SV2B: variants seen among roughly 807,000 people sequenced by gnomAD.
The protein encoded by SV2B is synaptic vesicle glycoprotein 2B, also known as solute carrier family 22 member B2.
In SV2B, 41 loss-of-function variants were observed where a neutral mutation model predicts 73.9. That is an observed-to-expected ratio of 0.56 (90% confidence interval 0.43 to 0.72). The LOEUF is 0.72. Ranked by LOEUF, SV2B falls within the 30% of genes least tolerant of loss-of-function variation. The pLI is 0.00. For synonymous variants in SV2B, 314 were observed against 314.2 expected, an observed-to-expected ratio of 1.00 and a Z score of 0.01; for missense variants, 764 against 857.8, an observed-to-expected ratio of 0.89 and a Z score of 1.37.
intron 1 of SV2B, among the ~76,000 whole-genome samples, chr15:91,114,183 CAAAAAAAAAAAAA>C (rs11372573): frequency 1.8e-5 from 1 of 55,962 alleles, no homozygotes; most frequent in East Asian, 1.2e-3. Context: ...GACTCCATCT[CAAAAAAAAAAAAA>C]AAAAAAAAAA....
intron 1 of SV2B, among the ~76,000 whole-genome samples, chr15:91,202,126 C>T (rs1228234887): frequency 6.6e-6 from 1 of 152,206 alleles, no homozygotes; most frequent in Non-Finnish European, 1.5e-5. Context: ...CACTTCCCCA[C>T]ATAAAATAGC....
chr15:91,243,734 G>A (rs2047114394), intron 2 of SV2B, among the ~76,000 whole-genome samples: 1 of 152,142 alleles, frequency 6.6e-6, no homozygotes. Context: ...CCTGTATATG[G>A]TTGGAGAGAG....
chr15:91,208,811 C>T (rs1212454591), intron 1 of SV2B, among the ~76,000 whole-genome samples: 1 of 152,172 alleles, frequency 6.6e-6, no homozygotes, highest in Non-Finnish European at 1.5e-5. Context: ...ACACTCATCT[C>T]CTTCTTCTGC....
chr15:91,208,563 G>C (rs947991825), intron 1 of SV2B, among the ~76,000 whole-genome samples: 8 of 152,310 alleles, frequency 5.3e-5, no homozygotes, highest in African/African-American at 1.7e-4. Context: ...CCTGATGCAG[G>C]AATTGTCCTT....
intron 1 of SV2B, among the ~76,000 whole-genome samples, chr15:91,125,156 T>C (rs1225426691): frequency 1.3e-5 from 2 of 152,178 alleles, no homozygotes; most frequent in African/African-American, 2.4e-5. Context: ...ACTAGTCAGA[T>C]TGGATTAGGA....
intron 10 of SV2B, among the ~76,000 whole-genome samples, chr15:91,282,136 A>C (rs2048702507): frequency 6.6e-6 from 1 of 152,240 alleles, no homozygotes; most frequent in Non-Finnish European, 1.5e-5. Flanking sequence ...AGTGAGGCTG[A>C]TGCTATACAC....
rs573129545 is a variant in SV2B, at chr15:91,210,325, G to A, written c.-391-15548G>A. The stretch of plus-strand genomic sequence containing the variant: ...GAGCCGTAACTGGGCAGCAGGGACC[G>A]GGGTCCCGAACCAAGCAGGAGGTGG... On this transcript the variant is annotated intron_variant, in intron 1 of 12. Transcript: ENST00000394232. 7.5e-4 allele frequency among the ~76,000 whole-genome samples: 114 copies of A among 151,946 alleles called. 1 individual carries two copies. Among genetic ancestry groups the A allele is most frequent in the South Asian group, 2.3e-3 (11 of 4,798 alleles).
At chr15:91,262,509 T>C (rs1181225705) in intron 6 of SV2B, among the ~76,000 whole-genome samples, 2 of 152,178 alleles carry the variant, frequency 1.3e-5, no homozygotes, top group African/African-American at 4.8e-5. Context: ...CAGGTTGTTA[T>C]AGAGGTGAAC....
intron 1 of SV2B, among the ~76,000 whole-genome samples, chr15:91,126,471 A>G (rs981283): frequency 0.012 from 1,817 of 152,312 alleles, 35 homozygotes; most frequent in African/African-American, 0.042. Flanking sequence ...TGCAGGGTTG[A>G]TGAGCCAGGT....
chr15:91,294,367 C>A lies in SV2B; in HGVS notation c.*1815C>A, dbSNP rs928675671. 1.3e-5 allele frequency: 2 copies of A among 152,118 alleles called. No individual in the cohort carries two copies. The highest frequency in any genetic ancestry group is 4.8e-5 in the African/African-American group (2 of 41,404). 9.4% of individuals were successfully genotyped at this position (152,118 alleles called of 1,614,324 possible). A position where few individuals can be genotyped will look rare whatever the true frequency, so the allele number is the denominator to read the frequency against. On this transcript the variant is annotated 3_prime_UTR_variant, in exon 13 of 13. Coordinates refer to ENST00000394232, the MANE Select transcript of SV2B (RefSeq NM_001323032.3). This position sits in a 1 kb window ranked among gnomAD's most constrained non-coding sequence, Gnocchi z 4.1. ...AATGTTTACTCTCCTTCTGTCAACC[C>A]TCACCTTTTTATTTACACCCCTCCC...
intron 9 of SV2B, among the ~76,000 whole-genome samples, chr15:91,272,828 CT>C (rs869274294): frequency 0.16 from 14,889 of 92,454 alleles, 685 homozygotes; most frequent in African/African-American, 0.19. Context: ...GCATATTCGT[CT>C]TTTTTTTTTT....
In SV2B at chr15:91,140,313, A is replaced by G. The variant is rs774291438; in HGVS notation, c.-392+39950A>G. Among the ~76,000 whole-genome samples the G allele has an allele frequency of 6.6e-6, 1 of 152,260 alleles. No homozygotes were observed. The highest frequency in any genetic ancestry group is 2.4e-5 in the African/African-American group (1 of 41,466). ...GGTAATTCTATAAATAAAGTCTAAT[A>G]AAAGTCATTCATCAATTATCCATTA... On this transcript the variant is annotated intron_variant, in intron 1 of 12. Transcript: ENST00000394232. The surrounding 1 kb of genome is among the most constrained non-coding windows in gnomAD (Gnocchi z 4.4).
intron 1 of SV2B, among the ~76,000 whole-genome samples, chr15:91,166,484 C>A (rs758667969): frequency 1.3e-5 from 2 of 151,692 alleles, no homozygotes; most frequent in Non-Finnish European, 2.9e-5. Flanking sequence ...AAATTTATGT[C>A]CTATAATAAA....
At chr15:91,150,871 T>TGGCTCC (rs1275693712) in intron 1 of SV2B, among the ~76,000 whole-genome samples, 3 of 152,218 alleles carry the variant, frequency 2.0e-5, no homozygotes, top group African/African-American at 7.2e-5. Context: ...AGAGAACAGA[T>TGGCTCC]GGCTCCATGG....
chr15:91,158,828 T>C (rs2043609102), intron 1 of SV2B, among the ~76,000 whole-genome samples: 1 of 150,964 alleles, frequency 6.6e-6, no homozygotes, highest in African/African-American at 2.4e-5. Context: ...TCTAAAAAAT[T>C]TTGCACAATG....
rs1449806064 is a variant in SV2B at position 91,293,729 on chromosome 15, A to C, written c.*1177A>C. The stretch of plus-strand genomic sequence containing the variant: ...TGTTCTAGTGGTAAAATGCAAATGC[A>C]ATCCATATTTGTTAGGATGGTCAGG... On this transcript the variant is annotated 3_prime_UTR_variant, in exon 13 of 13. Coordinates refer to ENST00000394232, the MANE Select transcript of SV2B (RefSeq NM_001323032.3). The C allele has an allele frequency of 6.6e-6, 1 of 152,254 alleles. No individual in the cohort carries two copies. Among genetic ancestry groups the C allele is most frequent in the Non-Finnish European group, 1.5e-5 (1 of 68,050 alleles). The allele number at this position is 152,254 out of a possible 1,614,324, so 9.4% of individuals were successfully genotyped here.
At chr15:91,287,160 T>C (rs1026695913) in intron 11 of SV2B, among the ~76,000 whole-genome samples, 1 of 152,192 alleles carries the variant, frequency 6.6e-6, no homozygotes, top group Non-Finnish European at 1.5e-5. Context: ...CTTCCCAAAG[T>C]GGGCAGAATC....
Position 91,122,630 on chromosome 15 carries a change from A to G in SV2B, c.-392+22267A>G, listed in dbSNP as rs965126751. On this transcript the variant is annotated intron_variant, in intron 1 of 12. Coordinates refer to ENST00000394232, the MANE Select transcript of SV2B (RefSeq NM_001323032.3). This position sits in a 1 kb window ranked among gnomAD's most constrained non-coding sequence, Gnocchi z 4.3. The stretch of plus-strand genomic sequence containing the variant: ...ACAAAACTGGACGTTCCATTAAGAT[A>G]CTTTGCACCTGGGGCTCATCTTCCC... Among the ~76,000 whole-genome samples, 14 of 152,166 alleles carry G rather than the reference A, an allele frequency of 9.2e-5. No individual in the cohort carries two copies. Among genetic ancestry groups the G allele is most frequent in the African/African-American group, 3.1e-4 (13 of 41,434 alleles).
chr15:91,268,428 T>C lies in SV2B; in HGVS notation c.1209-13T>C. ...CCTGTTGTTGTTGCAACCTTCTGCCTTCTCCACTCCAGTTACTATGGACTG... is the reference window on the plus strand; with the variant it reads ...CCTGTTGTTGTTGCAACCTTCTGCCCTCTCCACTCCAGTTACTATGGACTG... On this transcript the variant is annotated splice_polypyrimidine_tract_variant and intron_variant, in intron 8 of 12. Transcript: ENST00000394232. The surrounding 1 kb of genome is among the most constrained non-coding windows in gnomAD (Gnocchi z 4.4). 6.2e-7 allele frequency: 1 copy of C among 1,606,432 alleles called. No individual in the cohort carries two copies. The highest frequency in any genetic ancestry group is 2.2e-5 in the East Asian group (1 of 44,688).
Sources: allele counts gnomAD v4.1 joint callset (sites outside exome capture counted in the v4.1 genomes callset), GRCh38; gene constraint gnomAD v4.1.1; non-coding constraint Gnocchi (gnomAD v3.1); transcripts MANE v1.5; gene names NCBI Gene and HGNC (gene_info 2026-07-23, HGNC 2026-07-21).